The following WTAP variants were observed in gnomAD, a reference collection of about 807,000 sequenced individuals.
WTAP encodes pre-mRNA-splicing regulator WTAP.
Under a neutral mutation model 50.0 loss-of-function variants are expected in WTAP, and 8 were observed. The ratio of observed to expected loss-of-function variants is 0.16; its 90% CI spans 0.09 to 0.29. The LOEUF is 0.29. WTAP is among the 10% of genes least tolerant of loss of function. The pLI is 1.00. For missense variants in WTAP, 295 were observed against 470.7 expected (o/e 0.63, Z 3.45); for synonymous variants, 194 against 169.0 (o/e 1.15, Z -1.15).
At chr6:159,734,101 C>G (rs1201572093) in intron 1 of WTAP, among the ~76,000 whole-genome samples, 2 of 152,020 alleles carry the variant, frequency 1.3e-5, no homozygotes, top group Non-Finnish European at 2.9e-5. Flanking sequence ...ATAAAACATG[C>G]TGTTGGAAGA....
intron 5 of WTAP, among the ~76,000 whole-genome samples, chr6:159,747,598 T>A (rs1779649621): frequency 6.6e-6 from 1 of 152,244 alleles, no homozygotes; most frequent in African/African-American, 2.4e-5. Context: ...GAAATTCAAA[T>A]GTGTATTTTA....
chr6:159,743,252 G>T (rs1182414878), intron 4 of WTAP, among the ~76,000 whole-genome samples: 1 of 152,156 alleles, frequency 6.6e-6, no homozygotes, highest in Non-Finnish European at 1.5e-5. Context: ...TCACCGTGTT[G>T]GTTAGGCTGG....
At chr6:159,726,933 C>G, upstream of WTAP, 1 of 1,288,650 alleles carries the variant, frequency 7.8e-7, no homozygotes, top group Non-Finnish European at 1.0e-6. Flanking sequence ...TCCTCCGACA[C>G]GCGGAAGCAT....
At chr6:159,729,759 A>G (rs1353406201) in intron 1 of WTAP, among the ~76,000 whole-genome samples, 1 of 152,202 alleles carries the variant, frequency 6.6e-6, no homozygotes, top group Non-Finnish European at 1.5e-5. Context: ...CCTTGCTACT[A>G]CAGTGTCTGC....
At position 159,736,315 on chromosome 6, in the gene WTAP, GT is replaced by G. The variant is rs765895545; in HGVS notation, c.30+27del. ...AAGAAGGTATGGGTTTTGGTTTTGG[GT>G]TTTTTTGTTTTGTTTTGGGTTTTTT... On this transcript the variant is annotated intron_variant, in intron 2 of 7. Coordinates refer to ENST00000621533, the MANE Select transcript of WTAP (RefSeq NM_001270531.2). The G allele has an allele frequency of 1.1e-5, 17 of 1,592,206 alleles. No individual in the cohort carries two copies. Among genetic ancestry groups the G allele is most frequent in the Admixed American group, 1.7e-5 (1 of 58,722 alleles).
Position 159,755,765 on chromosome 6 carries a change from CTTTTTTTTTTT to C in WTAP, c.*169_*179del. ...TTTTTCTTTGTTTTTTTTTTCTTTTCTTTTTTTTTTTTTTTTTTTTTTTTTGCTTCAATACT... is the reference window on the plus strand; with the variant it reads ...TTTTTCTTTGTTTTTTTTTTCTTTTCTTTTTTTTTTTTTTGCTTCAATACT... On this transcript the variant is annotated 3_prime_UTR_variant, in exon 8 of 8. Transcript: ENST00000621533. 376 of 173,382 alleles carry C rather than the reference CTTTTTTTTTTT, an allele frequency of 2.2e-3. 1 individual carries two copies. In the African/African-American group the frequency reaches 0.025, roughly 11 times the overall value. 10.7% of individuals were successfully genotyped at this position (173,382 alleles called of 1,614,324 possible). A position where few individuals can be genotyped will look rare whatever the true frequency, so the allele number is the denominator to read the frequency against.
At chr6:159,734,711 T>C (rs779114939) in intron 1 of WTAP, among the ~76,000 whole-genome samples, 6 of 152,348 alleles carry the variant, frequency 3.9e-5, no homozygotes, top group Non-Finnish European at 7.3e-5. Context: ...GTATAAGTTA[T>C]GAATATGCCA....
chr6:159,747,781 G>A lies in WTAP; in HGVS notation c.274-410G>A, dbSNP rs536771895. Among the ~76,000 whole-genome samples, 11 of 152,156 alleles carry A rather than the reference G, an allele frequency of 7.2e-5. No individual in the cohort carries two copies. In the East Asian group the frequency reaches 1.9e-3, roughly 27 times the overall value. On this transcript the variant is annotated intron_variant, in intron 5 of 7. Transcript: ENST00000621533. The stretch of plus-strand genomic sequence containing the variant: ...TTTAGTAAATATAATGTTGATTTTC[G>A]TTTGTTTTTTGGTAATGTTTGGATT...
chr6:159,731,473 AAG>A (rs1286094441), intron 1 of WTAP, among the ~76,000 whole-genome samples: 3 of 152,194 alleles, frequency 2.0e-5, no homozygotes, highest in Non-Finnish European at 2.9e-5. Flanking sequence ...GTCTCAAAAA[AAG>A]AGAGGAAAAA....
chr6:159,734,963 G>T (rs1054219776), intron 1 of WTAP, among the ~76,000 whole-genome samples: 1 of 151,772 alleles, frequency 6.6e-6, no homozygotes, highest in East Asian at 1.9e-4. Flanking sequence ...ATTAGCATTC[G>T]TTCTAAAAAA....
chr6:159,727,550 G>A lies in WTAP; in HGVS notation c.-162G>A, dbSNP rs1334822028. Reference sequence around the variant, plus strand: ...TGGCAGCGAGACCCACAAATAAAGGGGAGCGCAGGGGTTGCGGCGGGACTA... The same window carrying A: ...TGGCAGCGAGACCCACAAATAAAGGAGAGCGCAGGGGTTGCGGCGGGACTA... On this transcript the variant is annotated 5_prime_UTR_variant, in exon 1 of 8. Coordinates refer to ENST00000621533, the MANE Select transcript of WTAP (RefSeq NM_001270531.2). 1.0e-6 allele frequency: 1 copy of A among 989,160 alleles called. No individual in the cohort carries two copies. Among genetic ancestry groups the A allele is most frequent in the Non-Finnish European group, 1.2e-6 (1 of 832,882 alleles). The allele number at this position is 989,160 out of a possible 1,614,324, so 61.3% of individuals were successfully genotyped here.
intron 6 of WTAP, among the ~76,000 whole-genome samples, chr6:159,750,895 C>G (rs983738560): frequency 2.2e-4 from 33 of 152,352 alleles, no homozygotes; most frequent in African/African-American, 7.5e-4. Context: ...GGGTTGCGTG[C>G]ACGCGCACGC....
chr6:159,755,083 C>T lies in WTAP; in HGVS notation c.663C>T (p.Thr221=), dbSNP rs1266871305. The T allele has an allele frequency of 6.2e-7, 1 of 1,614,022 alleles. No individual in the cohort carries two copies. Among genetic ancestry groups the T allele is most frequent in the African/African-American group, 1.3e-5 (1 of 74,924 alleles). ...LDEEVEGMQS[T]ILVLQQQLKE... is the part of the protein sequence containing the mutation. ...AAGAAGTAGAGGGTATGCAGAGTAC[C>T]ATTCTAGTTCTGCAGCAGCAGCTGA... The change falls in exon 8 of 8, where the codon ACC becomes ACT. Residue 221 remains threonine (T), a synonymous_variant. Coordinates refer to ENST00000621533, the MANE Select transcript of WTAP (RefSeq NM_001270531.2).
intron 1 of WTAP, among the ~76,000 whole-genome samples, chr6:159,731,310 A>G (rs1022585250): frequency 1.3e-5 from 2 of 151,876 alleles, no homozygotes; most frequent in Admixed American, 6.6e-5. Context: ...CCAAGAAAAA[A>G]AAAACAAATT....
intron 5 of WTAP, among the ~76,000 whole-genome samples, chr6:159,744,496 T>A (rs1275482936): frequency 4.0e-5 from 6 of 149,650 alleles, no homozygotes; most frequent in African/African-American, 1.5e-4. Flanking sequence ...ATTCTGGTCA[T>A]TGGAGACACC....
At position 159,748,786 on chromosome 6, in the gene WTAP, C is replaced by T. The variant is rs1779711443; in HGVS notation, c.452+417C>T. On this transcript the variant is annotated intron_variant, in intron 6 of 7. Transcript: ENST00000621533. This position sits in a 1 kb window ranked among gnomAD's most constrained non-coding sequence, Gnocchi z 5.6. ...TAGAGATTTTAAATCATGAATTGAA[C>T]ATGTAAAATTCCAGTAAAATGTAAA... is the stretch of plus-strand genomic sequence containing the variant. 1.6e-6 allele frequency: 2 copies of T among 1,233,682 alleles called. No homozygotes were observed. The highest frequency in any genetic ancestry group is 2.0e-6 in the Non-Finnish European group (2 of 989,178). 76.4% of individuals were successfully genotyped at this position (1,233,682 alleles called of 1,614,324 possible).
intron 1 of WTAP, among the ~76,000 whole-genome samples, chr6:159,729,854 C>G (rs1428004562): frequency 6.6e-6 from 1 of 152,210 alleles, no homozygotes; most frequent in East Asian, 1.9e-4. Context: ...GCGCTTGCCT[C>G]CGTTCAGAGG....
chr6:159,727,983 G>A (rs1365434138), intron 1 of WTAP, among the ~76,000 whole-genome samples: 4 of 152,272 alleles, frequency 2.6e-5, no homozygotes, highest in African/African-American at 7.2e-5. Flanking sequence ...GCCGGAGGAT[G>A]CCCTCCCCGG....
chr6:159,750,813 C>T (rs1341714079), intron 6 of WTAP, among the ~76,000 whole-genome samples: 1 of 150,256 alleles, frequency 6.7e-6, no homozygotes, highest in African/African-American at 2.5e-5. Flanking sequence ...AAATACATCA[C>T]TAATTTGAAA....
Sources: allele counts gnomAD v4.1 joint callset (sites outside exome capture counted in the v4.1 genomes callset), GRCh38; gene constraint gnomAD v4.1.1; non-coding constraint Gnocchi (gnomAD v3.1); transcripts MANE v1.5; gene names NCBI Gene and HGNC (gene_info 2026-07-23, HGNC 2026-07-21).